The following PTPRD variants were observed in gnomAD, a reference collection of about 807,000 sequenced individuals.
The protein encoded by PTPRD is receptor-type tyrosine-protein phosphatase delta.
A neutral mutation model predicts 214.5 loss-of-function variants in PTPRD; 34 were observed. The observed-to-expected ratio is 0.16, with a 90% CI of 0.12 to 0.21. The LOEUF (loss-of-function observed/expected upper bound fraction) is 0.21, where lower values mean the gene tolerates loss of function less well. PTPRD is among the 10% of genes least tolerant of loss of function. PTPRD has a pLI of 1.00. For missense variants in PTPRD, 2,545 were observed against 2,398.7 expected, an observed-to-expected ratio of 1.06 and a Z score of -1.27; for synonymous variants, 1,128 against 845.7, an observed-to-expected ratio of 1.33 and a Z score of -5.79.
At position 9,685,217 on chromosome 9, in the gene PTPRD, C is replaced by A. The variant is rs191357429; in HGVS notation, c.-287+49316G>T. Among the ~76,000 whole-genome samples, 506 of 150,770 alleles carry A rather than the reference C, an allele frequency of 3.4e-3. 2 individuals carry two copies. The highest frequency in any genetic ancestry group is 4.7e-3 in the Non-Finnish European group (317 of 67,394). On this transcript the variant is annotated intron_variant, in intron 7 of 45. Coordinates refer to ENST00000381196, the MANE Select transcript of PTPRD (RefSeq NM_002839.4). ...TTTCTGGCTCATGAGTACATACAAT[C>A]ATTAAATGTGTGGTTATTTTTGTAT...
chr9:10,052,834 T>C (rs1427267729), intron 3 of PTPRD, among the ~76,000 whole-genome samples: 2 of 152,212 alleles, frequency 1.3e-5, no homozygotes, highest in Admixed American at 1.3e-4. Context: ...TTTCCCTCTC[T>C]ATTTCCCATC....
intron 11 of PTPRD, among the ~76,000 whole-genome samples, chr9:8,788,281 G>A (rs1396407780): frequency 1.0e-5 from 1 of 100,130 alleles, no homozygotes; most frequent in Non-Finnish European, 2.0e-5. Context: ...TTTTTTTTGT[G>A]TGTGTGTGTG....
intron 9 of PTPRD, among the ~76,000 whole-genome samples, chr9:9,265,400 C>T (rs1167015318): frequency 6.6e-6 from 1 of 151,456 alleles, no homozygotes; most frequent in Non-Finnish European, 1.5e-5. Flanking sequence ...ATTACAGGCA[C>T]ATACCACCAC....
intron 2 of PTPRD, among the ~76,000 whole-genome samples, chr9:10,608,876 A>G (rs1383926830): frequency 2.0e-5 from 3 of 152,130 alleles, no homozygotes; most frequent in African/African-American, 7.2e-5. Context: ...ATCAGGAGAC[A>G]TTTATTTATT....
At chr9:10,023,900 G>A (rs186047669) in intron 4 of PTPRD, among the ~76,000 whole-genome samples, 5 of 152,026 alleles carry the variant, frequency 3.3e-5, no homozygotes, top group Non-Finnish European at 7.4e-5. Context: ...GACTTCAGTG[G>A]TTTACAATAT....
intron 9 of PTPRD, among the ~76,000 whole-genome samples, chr9:9,185,311 G>A (rs2099930650): frequency 6.6e-6 from 1 of 152,048 alleles, no homozygotes; most frequent in Non-Finnish European, 1.5e-5. Context: ...ATCTCAGTCA[G>A]CATGCCTCCA....
At chr9:10,444,710 A>C (rs1417734583) in intron 2 of PTPRD, among the ~76,000 whole-genome samples, 2 of 151,902 alleles carry the variant, frequency 1.3e-5, no homozygotes, top group Non-Finnish European at 2.9e-5. Flanking sequence ...CAAAGACAAA[A>C]AAAAAGACCT....
chr9:8,464,715 C>CTTT (rs35687233), intron 32 of PTPRD, among the ~76,000 whole-genome samples: 44 of 148,164 alleles, frequency 3.0e-4, no homozygotes, highest in African/African-American at 9.9e-4. Context: ...TATCTCTCCC[C>CTTT]TTTTTTTTTT....
chr9:9,971,002 A>G (rs914278786), intron 4 of PTPRD, among the ~76,000 whole-genome samples: 1 of 152,228 alleles, frequency 6.6e-6, no homozygotes, highest in Non-Finnish European at 1.5e-5. Flanking sequence ...ATGTTATTCA[A>G]GAATCTCAGT....
intron 31 of PTPRD, among the ~76,000 whole-genome samples, chr9:8,470,794 T>A (rs1367982323): frequency 1.3e-5 from 2 of 152,166 alleles, no homozygotes; most frequent in African/African-American, 4.8e-5. Context: ...TTATTGCAGC[T>A]TAATGTTTTT....
intron 7 of PTPRD, among the ~76,000 whole-genome samples, chr9:9,698,204 G>T (rs188493282): frequency 1.4e-3 from 219 of 152,116 alleles, no homozygotes; most frequent in African/African-American, 5.1e-3. Context: ...TTTTTCTTGT[G>T]GAGGTACACC....
At chr9:9,263,345 C>G (rs542133054) in intron 9 of PTPRD, among the ~76,000 whole-genome samples, 2 of 151,718 alleles carry the variant, frequency 1.3e-5, no homozygotes, top group South Asian at 4.1e-4. Context: ...CCACCTTCTT[C>G]TCATCTAAAA....
At chr9:9,310,176 T>C (rs774182237) in intron 9 of PTPRD, among the ~76,000 whole-genome samples, 1 of 152,164 alleles carries the variant, frequency 6.6e-6, no homozygotes, top group Non-Finnish European at 1.5e-5. Flanking sequence ...TTGGATCTGC[T>C]GATGTTTGTG....
At chr9:10,400,822 T>C (rs1482490564) in intron 2 of PTPRD, among the ~76,000 whole-genome samples, 1 of 151,672 alleles carries the variant, frequency 6.6e-6, no homozygotes, top group Admixed American at 6.6e-5. Context: ...GATAGTTTAC[T>C]TAGGAGCTAA....
chr9:8,953,484 A>C (rs1372505912), intron 11 of PTPRD, among the ~76,000 whole-genome samples: 3 of 151,992 alleles, frequency 2.0e-5, no homozygotes, highest in African/African-American at 7.2e-5. Flanking sequence ...GGCAACAAAA[A>C]CAAAAATTGA....
At chr9:8,609,999 A>T (rs1405475507) in intron 14 of PTPRD, among the ~76,000 whole-genome samples, 3 of 152,188 alleles carry the variant, frequency 2.0e-5, no homozygotes, top group Admixed American at 6.5e-5. Context: ...CAGGCTCCCT[A>T]TTAGTAAAGT....
At chr9:10,050,160 A>C (rs192893209) in intron 3 of PTPRD, among the ~76,000 whole-genome samples, 2 of 152,224 alleles carry the variant, frequency 1.3e-5, no homozygotes, top group Admixed American at 6.6e-5. Context: ...CAGATCCCCA[A>C]GAATGAGGGT....
At chr9:8,843,756 T>G (rs1469167607) in intron 11 of PTPRD, among the ~76,000 whole-genome samples, 1 of 152,112 alleles carries the variant, frequency 6.6e-6, no homozygotes, top group Non-Finnish European at 1.5e-5. Context: ...TCTTCCTCCC[T>G]CAAAGAGCAA....
chr9:10,604,068 AC>A (rs1224122121), intron 2 of PTPRD, among the ~76,000 whole-genome samples: 16 of 151,848 alleles, frequency 1.1e-4, no homozygotes, highest in African/African-American at 3.1e-4. Flanking sequence ...AAGTTAAAAA[AC>A]ATAGGCAGAA....
Sources: allele counts gnomAD v4.1 joint callset (sites outside exome capture counted in the v4.1 genomes callset), GRCh38; gene constraint gnomAD v4.1.1; transcripts MANE v1.5; gene names NCBI Gene and HGNC (gene_info 2026-07-23, HGNC 2026-07-21).